The following NDRG2 variants were observed in gnomAD, a reference collection of about 807,000 sequenced individuals.
NDRG2 encodes NDRG family member 2, also known as protein NDRG2.
In NDRG2, 34 loss-of-function variants were observed where a neutral mutation model predicts 58.2. That is an observed-to-expected ratio of 0.58 (90% CI 0.44 to 0.78). The LOEUF is 0.78. Ranked by LOEUF, NDRG2 falls within the 30% of genes least tolerant of loss-of-function variation. NDRG2 has a pLI of 0.00. For synonymous variants in NDRG2, 187 were observed against 175.9 expected (o/e 1.06, Z -0.50); for missense variants, 434 against 471.2 (o/e 0.92, Z 0.73).
intron 1 of NDRG2, among the ~76,000 whole-genome samples, chr14:21,062,342 A>C (rs1886004597): frequency 6.6e-6 from 1 of 152,318 alleles, no homozygotes; most frequent in African/African-American, 2.4e-5. Flanking sequence ...AGGGAAGCTC[A>C]AGGCTCAGGC....
Position 21,017,740 on chromosome 14 carries a change from G to A in NDRG2, c.972C>T (p.Arg324=). 1 of 1,601,138 alleles carries A rather than the reference G, an allele frequency of 6.2e-7. No homozygotes were observed. Among genetic ancestry groups the A allele is most frequent in the Non-Finnish European group, 8.5e-7 (1 of 1,173,558 alleles). The change falls in exon 16 of 16, where the codon CGC becomes CGT. Residue 324 remains arginine, a synonymous_variant. Transcript: ENST00000556147. ...GAGAGGCTGTACGAGACCGGGACAG[G>A]CGAGTCATGCAGGATGAGGCCACTG... ...MGYMASSCMT[R]LSRSRTASLT...
At chr14:21,044,593 G>A (rs558575054) in intron 1 of NDRG2, among the ~76,000 whole-genome samples, 1 of 152,308 alleles carries the variant, frequency 6.6e-6, no homozygotes, top group African/African-American at 2.4e-5. Flanking sequence ...ATGCGAAAAT[G>A]CCATTTCCCT....
chr14:21,021,513 A>C, intron 6 of NDRG2: 1 of 405,254 alleles, frequency 2.5e-6, no homozygotes, highest in Non-Finnish European at 4.6e-6. Flanking sequence ...TTCCTCAGGG[A>C]TTATGTCACC....
intron 1 of NDRG2, among the ~76,000 whole-genome samples, chr14:21,044,586 C>T (rs142419481): frequency 2.6e-5 from 4 of 152,282 alleles, no homozygotes; most frequent in East Asian, 1.9e-4. Context: ...GGTTGAGATG[C>T]GAAAATGCCA....
intron 1 of NDRG2, among the ~76,000 whole-genome samples, chr14:21,069,545 G>GCGGA (rs1464761948): frequency 6.6e-6 from 1 of 152,226 alleles, no homozygotes; most frequent in Non-Finnish European, 1.5e-5. Context: ...CCCTACATAA[G>GCGGA]CATCCCGATC....
intron 8 of NDRG2, chr14:21,020,242 C>G (rs899664681): frequency 1.2e-5 from 6 of 511,532 alleles, no homozygotes; most frequent in Admixed American, 3.3e-5. Context: ...TGCAGTGAGC[C>G]AAGATCAAGC....
chr14:21,019,903 C>T lies in NDRG2; in HGVS notation c.612+17G>A. Reference sequence around the variant, plus strand: ...GCTGCTCCCGTCGACTCTTCTACATCTCCTACACCCACTTACCTGGCTGAA... The same window carrying T: ...GCTGCTCCCGTCGACTCTTCTACATTTCCTACACCCACTTACCTGGCTGAA... On this transcript the variant is annotated intron_variant, in intron 9 of 15. Coordinates refer to ENST00000556147, the MANE Select transcript of NDRG2 (RefSeq NM_001320329.2). The T allele has an allele frequency of 6.2e-7, 1 of 1,613,830 alleles. No individual in the cohort carries two copies. Among genetic ancestry groups the T allele is most frequent in the Non-Finnish European group, 8.5e-7 (1 of 1,179,722 alleles).
chr14:21,030,464 C>G (rs1883997662), upstream of NDRG2: 1 of 1,068,132 alleles, frequency 9.4e-7, no homozygotes, highest in South Asian at 1.6e-5. Context: ...GGGAGCTGTT[C>G]CTGTTGCTGA....
chr14:21,029,802 G>A (rs1243457), upstream of NDRG2, among the ~76,000 whole-genome samples: 14,578 of 152,148 alleles, frequency 0.096, 990 homozygotes, highest in East Asian at 0.27. Context: ...TCTATGGACC[G>A]GAAAGCAGCC....
Position 21,060,907 on chromosome 14 carries a change from G to A in NDRG2, c.24+9921C>T, listed in dbSNP as rs149813640. On this transcript the variant is annotated intron_variant, in intron 1 of 14. Coordinates refer to the NDRG2 transcript ENST00000403829. Reference sequence around the variant, plus strand: ...ACCTCAAGAGGACATAAAAGTTACTGAGTTTTATTTTCTTTTGTCCAAATA... The same window carrying A: ...ACCTCAAGAGGACATAAAAGTTACTAAGTTTTATTTTCTTTTGTCCAAATA... Among the ~76,000 whole-genome samples the A allele has an allele frequency of 2.8e-4, 43 of 152,298 alleles. No individual in the cohort carries two copies. The East Asian group carries it at 7.7e-3, about 27-fold the overall frequency.
chr14:21,031,191 A>T lies in NDRG2; in HGVS notation c.25-7870T>A, dbSNP rs374666914. The T allele has an allele frequency of 2.2e-5, 35 of 1,607,932 alleles. No homozygotes were observed. The African/African-American group carries it at 2.3e-4, about 10-fold the overall frequency. On this transcript the variant is annotated intron_variant, in intron 1 of 14. Coordinates refer to the NDRG2 transcript ENST00000403829. Reference sequence around the variant, plus strand: ...GTGAGTGACAGCCTTCATCCCCTTGACCCTACTTCCCTAAATCCCCATTGT... The same window carrying T: ...GTGAGTGACAGCCTTCATCCCCTTGTCCCTACTTCCCTAAATCCCCATTGT...
chr14:21,037,444 C>T (rs1884697094), intron 1 of NDRG2, among the ~76,000 whole-genome samples: 2 of 152,244 alleles, frequency 1.3e-5, no homozygotes, highest in African/African-American at 4.8e-5. Context: ...CAGTGGCTTG[C>T]TCAAGGTCAT....
intron 1 of NDRG2, chr14:21,031,146 C>A (rs375716775): frequency 6.2e-7 from 1 of 1,613,846 alleles, no homozygotes; most frequent in Admixed American, 1.7e-5. Context: ...GGCAAAGACC[C>A]AGCCACCACT....
At chr14:21,026,361 T>TGGG, upstream of NDRG2, among the ~76,000 whole-genome samples, 1 of 143,980 alleles carries the variant, frequency 6.9e-6, no homozygotes, top group Non-Finnish European at 1.5e-5. Flanking sequence ...TCAGACTGGT[T>TGGG]CCTGAGTTGC....
intron 1 of NDRG2, among the ~76,000 whole-genome samples, chr14:21,053,318 C>CA (rs1164518054): frequency 2.0e-5 from 3 of 152,002 alleles, no homozygotes; most frequent in African/African-American, 7.3e-5. Flanking sequence ...CCCATCTCTA[C>CA]AAAAAATAGA....
chr14:21,051,839 T>C (rs1461820639), intron 1 of NDRG2, among the ~76,000 whole-genome samples: 1 of 152,172 alleles, frequency 6.6e-6, no homozygotes, highest in African/African-American at 2.4e-5. Flanking sequence ...GTGGCACTTG[T>C]AGTTCAAAGA....
At chr14:21,025,508 C>A, upstream of NDRG2, 2 of 985,460 alleles carry the variant, frequency 2.0e-6, no homozygotes, top group Non-Finnish European at 2.4e-6. The surrounding 1 kb of genome is among the most constrained non-coding windows in gnomAD (Gnocchi z 5.1). Flanking sequence ...ACTCCCCCCG[C>A]CCGAACACAG....
At chr14:21,056,020 T>C (rs754158242) in intron 1 of NDRG2, among the ~76,000 whole-genome samples, 11 of 152,202 alleles carry the variant, frequency 7.2e-5, no homozygotes, top group Non-Finnish European at 1.3e-4. Flanking sequence ...TGAGTTCTAC[T>C]GGCAAACAAG....
At chr14:21,033,085 A>G (rs1278833539) in intron 1 of NDRG2, 1 of 422,860 alleles carries the variant, frequency 2.4e-6, no homozygotes, top group Non-Finnish European at 4.6e-6. Context: ...AATGGGTGAG[A>G]GAAGATACCT....
Sources: gnomAD v4.1 joint callset for allele counts (sites outside exome capture counted in the v4.1 genomes callset) on GRCh38, gnomAD v4.1.1 for gene constraint, Gnocchi (gnomAD v3.1) non-coding constraint, MANE v1.5 for transcripts, NCBI Gene and HGNC (gene_info 2026-07-23, HGNC 2026-07-21) for gene names.